CYP4F22: variants seen among roughly 807,000 people sequenced by gnomAD.
CYP4F22 encodes ultra-long-chain fatty acid omega-hydroxylase.
A neutral mutation model predicts 60.4 loss-of-function variants in CYP4F22; 37 were observed. The ratio of observed to expected loss-of-function variants is 0.61; its 90% CI spans 0.47 to 0.81. The LOEUF is 0.81. Ranked by LOEUF, CYP4F22 falls within the 30% of genes least tolerant of loss-of-function variation. The pLI is 0.00. For synonymous variants in CYP4F22, 258 were observed against 280.5 expected (o/e 0.92, Z 0.80); for missense variants, 655 against 715.0 (o/e 0.92, Z 0.96).
At chr19:15,521,871 G>A (rs549197576) in intron 1 of CYP4F22, among the ~76,000 whole-genome samples, 23 of 152,102 alleles carry the variant, frequency 1.5e-4, no homozygotes, top group Non-Finnish European at 4.4e-5. Context: ...GTGGCCGGGC[G>A]TGGTGGCTCA....
chr19:15,513,240 T>A (rs10411243), intron 1 of CYP4F22, among the ~76,000 whole-genome samples: 95,082 of 151,224 alleles, frequency 0.63, 30,623 homozygotes, highest in Middle Eastern at 0.69. Flanking sequence ...CAGTGGCATG[T>A]TCTCGGCTCA....
intron 4 of CYP4F22, among the ~76,000 whole-genome samples, chr19:15,532,671 A>C (rs997507047): frequency 1.3e-5 from 2 of 151,466 alleles, no homozygotes; most frequent in Admixed American, 1.3e-4. Context: ...CGTGAGCTAC[A>C]GCGCCTGGTC....
chr19:15,515,476 G>A, intron 1 of CYP4F22: 1 of 779,650 alleles, frequency 1.3e-6, no homozygotes, highest in South Asian at 1.3e-5. Flanking sequence ...TGCAATCCCA[G>A]CACTTTGGGA....
rs1043553914 is a variant in CYP4F22, at chr19:15,550,738, C to A, written c.1400C>A (p.Pro467His). 3 of 1,614,200 alleles carry A rather than the reference C, an allele frequency of 1.9e-6. No homozygotes were observed. Among genetic ancestry groups the A allele is most frequent in the Non-Finnish European group, 1.7e-6 (2 of 1,180,032 alleles). The change falls in exon 13 of 14, where the codon CCC (proline) becomes CAC (histidine). Residue 467 changes from proline to histidine, a missense_variant. Physicochemically the swap from Pro to His is moderately conservative, Grantham distance 77. Coordinates refer to ENST00000269703, the MANE Select transcript of CYP4F22 (RefSeq NM_173483.4). ...PQQRSPLAYV[P>H]FSAGPRNCIG... ...CAGCGCTCTCCACTGGCCTATGTGC[C>A]CTTCTCTGCAGGACCCAGGTAACCC...
chr19:15,547,018 G>GTTTTTTTTTTTGTT (rs1971534077), intron 10 of CYP4F22, among the ~76,000 whole-genome samples: 1 of 82,330 alleles, frequency 1.2e-5, no homozygotes, highest in Non-Finnish European at 2.1e-5. Flanking sequence ...GCCTGCACCA[G>GTTTTTTTTTTTGTT]TTTTTTTTTT....
chr19:15,540,723 G>C lies in CYP4F22; in HGVS notation c.939+6G>C, dbSNP rs972975916. 25 of 869,712 alleles carry C rather than the reference G, an allele frequency of 2.9e-5. No individual in the cohort carries two copies. Among genetic ancestry groups the C allele is most frequent in the Non-Finnish European group, 3.9e-5 (25 of 634,156 alleles). The allele number at this position is 869,712 out of a possible 1,614,324, so 53.9% of individuals were successfully genotyped here. On this transcript the variant is annotated splice_donor_region_variant and intron_variant, in intron 8 of 13. Transcript: ENST00000269703. ...ATGTGCTGCTCCTGGCCAGGGTGAG[G>C]CTGGGCCCCCTGGAATTGCTGGCCT...
intron 4 of CYP4F22, among the ~76,000 whole-genome samples, chr19:15,530,277 G>A (rs1971328555): frequency 6.6e-6 from 1 of 152,136 alleles, no homozygotes; most frequent in Non-Finnish European, 1.5e-5. Flanking sequence ...AGGGAGATGT[G>A]GAAGAATTCC....
rs1971603222 is a variant in CYP4F22 at position 15,551,872 on chromosome 19, A to C, written c.*401A>C. 4 of 206,000 alleles carry C rather than the reference A, an allele frequency of 1.9e-5. No homozygotes were observed. The highest frequency in any genetic ancestry group is 7.1e-5 in the African/African-American group (3 of 42,378). 12.8% of individuals were successfully genotyped at this position (206,000 alleles called of 1,614,324 possible). The stretch of plus-strand genomic sequence containing the variant: ...TCAGAGGACCTAAGACCCACCTATG[A>C]CTCAGGGCCCACCACACCCCACCCC... On this transcript the variant is annotated 3_prime_UTR_variant, in exon 14 of 14. Transcript: ENST00000269703.
In CYP4F22 at chr19:15,550,644, C is replaced by G. The variant is rs201546267; in HGVS notation, c.1336-30C>G. 2.0e-4 allele frequency: 325 copies of G among 1,612,992 alleles called. No individual in the cohort carries two copies. The African/African-American group carries it at 3.8e-3, about 19-fold the overall frequency. On this transcript the variant is annotated intron_variant, in intron 12 of 13. Transcript: ENST00000269703. ...AGGCTGGGATGTCTGGGGCAGCCCC[C>G]AGACTCATCTCCAGGCTGTTCCTCC...
At chr19:15,550,874 AC>A (rs1971587004) in intron 13 of CYP4F22, 118 bp downstream of exon 13, 1 of 1,209,988 alleles carries the variant, frequency 8.3e-7, no homozygotes, top group Non-Finnish European at 1.2e-6. Flanking sequence ...CTTTCTGAAG[AC>A]CCAGCACCCT....
intron 1 of CYP4F22, among the ~76,000 whole-genome samples, chr19:15,519,775 T>C (rs1599791269): frequency 6.6e-6 from 1 of 152,292 alleles, no homozygotes; most frequent in East Asian, 1.9e-4. Flanking sequence ...ATGTGACCCC[T>C]GTTGGCTGAA....
intron 1 of CYP4F22, among the ~76,000 whole-genome samples, chr19:15,510,500 C>T (rs1210219795): frequency 6.6e-6 from 1 of 152,098 alleles, no homozygotes; most frequent in East Asian, 1.9e-4. Context: ...GACACTCACC[C>T]GAGGTCGCAC....
At chr19:15,546,321 T>C (rs1971525953) in intron 10 of CYP4F22, among the ~76,000 whole-genome samples, 1 of 152,100 alleles carries the variant, frequency 6.6e-6, no homozygotes, top group African/African-American at 2.4e-5. Flanking sequence ...CAGTGGCTCA[T>C]GCCTGTAATC....
At chr19:15,516,735 T>G (rs1971159390) in intron 1 of CYP4F22, 4 of 605,944 alleles carry the variant, frequency 6.6e-6, no homozygotes, top group Non-Finnish European at 1.1e-5. Context: ...GGGAAGTCTT[T>G]GTATTCAACC....
In CYP4F22 at chr19:15,550,760, A is replaced by G. The variant is rs1289798585; in HGVS notation, c.1418+4A>G. 1 of 1,613,902 alleles carries G rather than the reference A, an allele frequency of 6.2e-7. No homozygotes were observed. The highest frequency in any genetic ancestry group is 1.7e-5 in the Admixed American group (1 of 59,996). On this transcript the variant is annotated splice_donor_region_variant and intron_variant, in intron 13 of 13. Coordinates refer to ENST00000269703, the MANE Select transcript of CYP4F22 (RefSeq NM_173483.4). ...TGCCCTTCTCTGCAGGACCCAGGTA[A>G]CCCCTCTATTTCCCCTAGTCCAAGC...
intron 8 of CYP4F22, among the ~76,000 whole-genome samples, chr19:15,542,256 G>A (rs924816878): frequency 6.6e-6 from 1 of 152,008 alleles, no homozygotes. Flanking sequence ...GATAAGCCGG[G>A]CGCAGTGGCT....
chr19:15,524,505 G>A lies in CYP4F22; in HGVS notation c.-2+706G>A, dbSNP rs951369984. ...TCTCTACAAAAAAATACAAAAATTA[G>A]CTGGGCCTGGTGGCATGCACCTGTA... On this transcript the variant is annotated intron_variant, in intron 2 of 13. Transcript: ENST00000269703. Among the ~76,000 whole-genome samples, 13 of 152,064 alleles carry A rather than the reference G, an allele frequency of 8.5e-5. 1 individual carries two copies. Among genetic ancestry groups the A allele is most frequent in the African/African-American group, 3.1e-4 (13 of 41,392 alleles).
In CYP4F22 at chr19:15,547,995, GGGAGAGAGTGTGT is replaced by G. The variant is rs1971548787; in HGVS notation, c.1137-111_1137-99del. On this transcript the variant is annotated intron_variant, in intron 10 of 13. Coordinates refer to ENST00000269703, the MANE Select transcript of CYP4F22 (RefSeq NM_173483.4). ...AGAGAGAGAGAGAGAGAGAGAGAGA[GGGAGAGAGTGTGT>G]GTGTGTGTGTGTGTGTGTGTGTGTG... 3.2e-5 allele frequency: 4 copies of G among 125,772 alleles called. 1 individual carries two copies. The highest frequency in any genetic ancestry group is 9.0e-5 in the African/African-American group (1 of 11,074). 7.8% of individuals were successfully genotyped at this position (125,772 alleles called of 1,614,324 possible).
chr19:15,540,693 T>A lies in CYP4F22; in HGVS notation c.915T>A (p.Phe305Leu). The A allele has an allele frequency of 6.2e-7, 1 of 1,613,898 alleles. No homozygotes were observed. The highest frequency in any genetic ancestry group is 8.5e-7 in the Non-Finnish European group (1 of 1,180,010). The change falls in exon 8 of 14, where the codon TTT becomes TTA. Residue 305 changes from phenylalanine to leucine, a missense_variant. This residue lies in a region of CYP4F22 where 430 missense variants were observed against 457.1 expected (regional missense o/e 0.94). Transcript: ENST00000269703. ...CCAAGCAGGGGAAGACCTTGGACTT[T>A]ATTGATGTGCTGCTCCTGGCCAGGG... is the stretch of plus-strand genomic sequence containing the variant. ...LKAKQGKTLD[F>L]IDVLLLARDE...
Sources: gnomAD v4.1 joint callset for allele counts (sites outside exome capture counted in the v4.1 genomes callset) on GRCh38, gnomAD v4.1.1 for gene constraint, gnomAD v4.1.1 regional missense constraint, MANE v1.5 for transcripts, NCBI Gene and HGNC (gene_info 2026-07-23, HGNC 2026-07-21) for gene names.